UTP20: variants seen among roughly 807,000 people sequenced by gnomAD.
The protein encoded by UTP20 is small subunit processome component 20 homolog.
Under a neutral mutation model 329.5 loss-of-function variants are expected in UTP20, and 164 were observed. That is an observed-to-expected ratio of 0.50 (90% CI 0.44 to 0.57). The LOEUF is 0.57. UTP20 is among the 20% of genes least tolerant of loss of function. The pLI is 0.00. For synonymous variants in UTP20, 1,151 were observed against 1,159.3 expected (o/e 0.99, Z 0.14); for missense variants, 3,055 against 3,284.2 (o/e 0.93, Z 1.71).
At chr12:101,346,374 G>C (rs1869323886) in intron 37 of UTP20, 77 bp from the exon 38 acceptor site, 1 of 1,469,226 alleles carries the variant, frequency 6.8e-7, no homozygotes, top group Non-Finnish European at 9.1e-7. Context: ...TTTATGAAAA[G>C]AGAATACGAT....
chr12:101,327,004 C>G (rs1484437025), intron 25 of UTP20, 77 bp from the exon 26 acceptor site: 2 of 1,440,090 alleles, frequency 1.4e-6, no homozygotes, highest in Non-Finnish European at 1.9e-6. Flanking sequence ...AGTTGCTCTT[C>G]TAGCCTTTTA....
intron 10 of UTP20, among the ~76,000 whole-genome samples, chr12:101,292,723 C>G (rs1006511351): frequency 6.6e-6 from 1 of 152,172 alleles, no homozygotes; most frequent in African/African-American, 2.4e-5. Flanking sequence ...ATGATATCAG[C>G]AAAGCTCTGG....
chr12:101,352,557 C>T (rs1325075075), intron 39 of UTP20, among the ~76,000 whole-genome samples: 1 of 150,994 alleles, frequency 6.6e-6, no homozygotes, highest in Non-Finnish European at 1.5e-5. Flanking sequence ...TAAACTATCG[C>T]AAGAACAAAA....
At chr12:101,382,885 G>A (rs575239463) in intron 58 of UTP20, among the ~76,000 whole-genome samples, 156 bp from the exon 59 acceptor site, 11 of 151,478 alleles carry the variant, frequency 7.3e-5, no homozygotes. Context: ...TCTAAAAATG[G>A]AGCCTTCATC....
chr12:101,340,583 A>G lies in UTP20; in HGVS notation c.4074A>G (p.Pro1358=), dbSNP rs544648041. The change falls in exon 32 of 62, where the codon CCA becomes CCG. Residue 1358 remains proline (P), a synonymous_variant. Coordinates refer to ENST00000261637, the MANE Select transcript of UTP20 (RefSeq NM_014503.3). Reference sequence around the variant, plus strand: ...CTGTACTCATTACGCTTCTCCTTCCATTCCTCCACCGTGGCAATATTGCTG... The same window carrying G: ...CTGTACTCATTACGCTTCTCCTTCCGTTCCTCCACCGTGGCAATATTGCTG... ...QSSVLITLLL[P]FLHRGNIAED... 5 of 1,611,922 alleles carry G rather than the reference A, an allele frequency of 3.1e-6. No individual in the cohort carries two copies. The East Asian group carries it at 6.7e-5, about 22-fold the overall frequency.
chr12:101,293,711 C>T (rs1872247597), intron 11 of UTP20, among the ~76,000 whole-genome samples: 2 of 152,190 alleles, frequency 1.3e-5, no homozygotes, highest in African/African-American at 4.8e-5. Context: ...ATCTCTGTAT[C>T]TGTCCTCTCA....
chr12:101,371,871 T>A (rs545818374), intron 51 of UTP20, among the ~76,000 whole-genome samples: 60 of 152,248 alleles, frequency 3.9e-4, no homozygotes, highest in African/African-American at 1.4e-3. Flanking sequence ...ATTTAAATCC[T>A]TAGGGAGAGG....
intron 37 of UTP20, 150 bp from the exon 38 acceptor site, chr12:101,346,301 T>A: frequency 1.2e-6 from 1 of 828,200 alleles, no homozygotes; most frequent in Non-Finnish European, 1.7e-6. Flanking sequence ...TCTGCCCATC[T>A]CGGCCTCCCG....
chr12:101,319,783 A>G, intron 23 of UTP20, 148 bp downstream of exon 23: 1 of 624,616 alleles, frequency 1.6e-6, no homozygotes, highest in Non-Finnish European at 2.6e-6. Flanking sequence ...TTTAATTAAT[A>G]GACATATTTT....
chr12:101,316,654 G>A (rs1472935294), intron 21 of UTP20, among the ~76,000 whole-genome samples: 1 of 152,170 alleles, frequency 6.6e-6, no homozygotes, highest in African/African-American at 2.4e-5. Flanking sequence ...TTTTATCAGT[G>A]TGTTTTTGAG....
At position 101,334,411 on chromosome 12, in the gene UTP20, A is replaced by G; in HGVS notation, c.3562-14A>G. On this transcript the variant is annotated splice_polypyrimidine_tract_variant and intron_variant, in intron 28 of 61. Transcript: ENST00000261637. ...ATATGTATTTGGTATTCTGTTTTTT[A>G]CTTTGTCTCCTAGATCAGCAGGCTT... The G allele has an allele frequency of 6.2e-7, 1 of 1,607,488 alleles. No individual in the cohort carries two copies. The highest frequency in any genetic ancestry group is 8.5e-7 in the Non-Finnish European group (1 of 1,177,964).
intron 6 of UTP20, among the ~76,000 whole-genome samples, chr12:101,289,308 T>C (rs1196066628): frequency 6.6e-6 from 1 of 151,616 alleles, no homozygotes; most frequent in Admixed American, 6.6e-5. Flanking sequence ...GCCCAGGAGG[T>C]GGAAGTTGCA....
chr12:101,375,129 TG>T (rs1379865353), intron 55 of UTP20, among the ~76,000 whole-genome samples, 190 bp downstream of exon 55: 1 of 152,088 alleles, frequency 6.6e-6, no homozygotes, highest in African/African-American at 2.4e-5. Flanking sequence ...TCAGTGTAAT[TG>T]GAACTTTTTA....
Position 101,373,777 on chromosome 12 carries a change from G to A in UTP20, c.7131+10G>A, listed in dbSNP as rs1473568677. On this transcript the variant is annotated intron_variant, in intron 54 of 61. Transcript: ENST00000261637. The stretch of plus-strand genomic sequence containing the variant: ...GTTTGGAGCAAAAAAGGTGTGCGTT[G>A]CTTTTAGTCACAGTTCAGTGACAAG... 5 of 1,607,426 alleles carry A rather than the reference G, an allele frequency of 3.1e-6. No individual in the cohort carries two copies. The highest frequency in any genetic ancestry group is 1.7e-5 in the Admixed American group (1 of 57,410).
At chr12:101,363,772 C>T (rs971364900) in intron 45 of UTP20, 29 bp downstream of exon 45, 2 of 1,418,932 alleles carry the variant, frequency 1.4e-6, no homozygotes, top group Non-Finnish European at 2.0e-6. Context: ...TTCTGGAGAT[C>T]ACAGCATTAC....
At chr12:101,286,539 T>C (rs1565783865) in intron 5 of UTP20, 30 bp downstream of exon 5, 1 of 1,484,250 alleles carries the variant, frequency 6.7e-7, no homozygotes, top group Non-Finnish European at 9.0e-7. Context: ...AGTATGTTTT[T>C]TAATTGCCTG....
chr12:101,288,731 C>T (rs1407352174), intron 5 of UTP20, among the ~76,000 whole-genome samples: 1 of 152,168 alleles, frequency 6.6e-6, no homozygotes, highest in Non-Finnish European at 1.5e-5. Context: ...TTCCTGGAGT[C>T]TTGTTTGTAA....
rs759824701 is a variant in UTP20 at position 101,375,679 on chromosome 12, C to T, written c.7319C>T (p.Thr2440Ile). 1 of 1,609,354 alleles carries T rather than the reference C, an allele frequency of 6.2e-7. No homozygotes were observed. Among genetic ancestry groups the T allele is most frequent in the South Asian group, 1.1e-5 (1 of 90,332 alleles). The change falls in exon 56 of 62, where the codon ACA (threonine) becomes ATA (isoleucine). Residue 2440 changes from threonine (T) to isoleucine (I), a missense_variant. Thr to Ile is a moderately conservative substitution (Grantham distance 89). This residue lies in a region of UTP20 where 273 missense variants were observed against 363.1 expected (regional missense o/e 0.75). Coordinates refer to ENST00000261637, the MANE Select transcript of UTP20 (RefSeq NM_014503.3). ...GATCGCCTTCTGTTTAGTTTTCTTA[C>T]ACTGATAACTAAACTTATCAAGGAA... ...AADRLLFSFL[T>I]LITKLIKECN...
intron 6 of UTP20, among the ~76,000 whole-genome samples, chr12:101,289,701 C>T (rs1872077608): frequency 1.3e-5 from 2 of 152,082 alleles, no homozygotes; most frequent in African/African-American, 4.8e-5. Flanking sequence ...AAGAACTTTT[C>T]TAATAGTTTC....
Sources: allele counts gnomAD v4.1 joint callset (sites outside exome capture counted in the v4.1 genomes callset), GRCh38; gene constraint gnomAD v4.1.1; regional missense constraint gnomAD v4.1.1; transcripts MANE v1.5; gene names NCBI Gene and HGNC (gene_info 2026-07-23, HGNC 2026-07-21).